Variants in ADGRL3 observed in about 807,000 individuals in gnomAD.
ADGRL3 encodes the protein calcium-independent alpha-latrotoxin receptor 3.
A neutral mutation model predicts 153.5 loss-of-function variants in ADGRL3; 62 were observed. The ratio of observed to expected loss-of-function variants is 0.40; its 90% CI spans 0.33 to 0.50. The LOEUF is 0.50. Ranked by LOEUF, ADGRL3 falls within the 20% of genes least tolerant of loss-of-function variation. The pLI, the probability that ADGRL3 is intolerant of heterozygous loss-of-function variation, is 0.47. For synonymous variants in ADGRL3, 710 were observed against 672.5 expected, an observed-to-expected ratio of 1.06 and a Z score of -0.86; for missense variants, 1,641 against 1,859.4, an observed-to-expected ratio of 0.88 and a Z score of 2.16.
chr4:61,947,161 C>G, intron 16 of ADGRL3, 39 bp downstream of exon 16: 1 of 1,494,112 alleles, frequency 6.7e-7, no homozygotes. Context: ...TTCATATTAT[C>G]TGTATTTTTA....
At chr4:61,878,266 A>C (rs1392012344) in intron 9 of ADGRL3, among the ~76,000 whole-genome samples, 1 of 152,188 alleles carries the variant, frequency 6.6e-6, no homozygotes, top group Non-Finnish European at 1.5e-5. Flanking sequence ...TATGTCTCCA[A>C]CTAAAGTCAC....
At chr4:61,255,915 T>C (rs2091912883) in intron 1 of ADGRL3, among the ~76,000 whole-genome samples, 1 of 152,288 alleles carries the variant, frequency 6.6e-6, no homozygotes, top group South Asian at 2.1e-4. Context: ...TTTGAAGAAT[T>C]TACTGTTCTC....
At chr4:61,611,738 T>C (rs1034320923) in intron 5 of ADGRL3, among the ~76,000 whole-genome samples, 2 of 151,964 alleles carry the variant, frequency 1.3e-5, no homozygotes, top group African/African-American at 2.4e-5. Context: ...CTGGGTAATA[T>C]AGTGAGACCT....
Position 61,514,207 on chromosome 4 carries a change from A to AG in ADGRL3, c.56-3107dup, listed in dbSNP as rs556410347. Reference sequence around the variant, plus strand: ...CCACCTTCCTTGACCTAAGGAAACTAGCTGCTTCAGATGCTATTGTGCCCC... The same window carrying AG: ...CCACCTTCCTTGACCTAAGGAAACTAGGCTGCTTCAGATGCTATTGTGCCCC... On this transcript the variant is annotated intron_variant, in intron 3 of 26. Transcript: ENST00000683033. 1.8e-3 allele frequency among the ~76,000 whole-genome samples: 271 copies of AG among 152,320 alleles called. 1 individual carries two copies. Among genetic ancestry groups the AG allele is most frequent in the African/African-American group, 6.1e-3 (254 of 41,588 alleles).
At chr4:61,840,529 A>C (rs1561337313) in intron 9 of ADGRL3, among the ~76,000 whole-genome samples, 1 of 152,116 alleles carries the variant, frequency 6.6e-6, no homozygotes, top group Non-Finnish European at 1.5e-5. Flanking sequence ...ATCTCCTTTT[A>C]TTACCTTCAA....
intron 21 of ADGRL3, among the ~76,000 whole-genome samples, chr4:62,027,091 A>T (rs1719090960): frequency 6.6e-6 from 1 of 152,068 alleles, no homozygotes; most frequent in Non-Finnish European, 1.5e-5. Context: ...GACATCACAG[A>T]TGGAATATAC....
chr4:61,579,891 A>T (rs1489387279), intron 4 of ADGRL3, among the ~76,000 whole-genome samples: 1 of 152,094 alleles, frequency 6.6e-6, no homozygotes, highest in Non-Finnish European at 1.5e-5. Flanking sequence ...GTTCTTTTAA[A>T]GAAAGTAGAT....
At chr4:61,981,133 T>C (rs2099066807) in intron 18 of ADGRL3, among the ~76,000 whole-genome samples, 1 of 152,256 alleles carries the variant, frequency 6.6e-6, no homozygotes, top group Non-Finnish European at 1.5e-5. Flanking sequence ...GGAAATTATT[T>C]CATAAACTTG....
intron 1 of ADGRL3, among the ~76,000 whole-genome samples, chr4:61,328,205 G>A (rs1437223229): frequency 1.3e-5 from 2 of 152,160 alleles, no homozygotes; most frequent in Non-Finnish European, 2.9e-5. Flanking sequence ...TAAATCTGTG[G>A]AGACCCCAAT....
Position 61,957,685 on chromosome 4 carries a change from AT to A in ADGRL3, c.2805+9420del, listed in dbSNP as rs751521343. On this transcript the variant is annotated intron_variant, in intron 17 of 26. Coordinates refer to ENST00000683033, the MANE Select transcript of ADGRL3 (RefSeq NM_001387552.1). The stretch of plus-strand genomic sequence containing the variant: ...AAGACCTTAGGAAAAAACTAAATTA[AT>A]TTTTTTTTTTGTACAAGGACACTGC... Among the ~76,000 whole-genome samples, 1,120 of 146,940 alleles carry A rather than the reference AT, an allele frequency of 7.6e-3. 11 individuals are homozygous for A. Among genetic ancestry groups the A allele is most frequent in the African/African-American group, 0.021 (859 of 40,344 alleles).
intron 8 of ADGRL3, among the ~76,000 whole-genome samples, chr4:61,762,207 T>C (rs1438241447): frequency 2.0e-5 from 3 of 152,006 alleles, no homozygotes; most frequent in Non-Finnish European, 4.4e-5. Context: ...GTGATTTATG[T>C]AGACAGAAAG....
intron 9 of ADGRL3, among the ~76,000 whole-genome samples, chr4:61,816,946 G>A (rs959564036): frequency 1.3e-5 from 2 of 152,166 alleles, no homozygotes; most frequent in Non-Finnish European, 2.9e-5. Flanking sequence ...CCTGCTCCTG[G>A]TGCCCACTCC....
At chr4:61,713,300 T>A (rs561382994) in intron 6 of ADGRL3, among the ~76,000 whole-genome samples, 1 of 152,162 alleles carries the variant, frequency 6.6e-6, no homozygotes. Flanking sequence ...TCCTGTATGT[T>A]CTTTCTCCAT....
rs527906106 is a variant in ADGRL3, at chr4:61,999,105, A to G, written c.3395+840A>G. On this transcript the variant is annotated intron_variant, in intron 21 of 26. Coordinates refer to ENST00000683033, the MANE Select transcript of ADGRL3 (RefSeq NM_001387552.1). Reference sequence around the variant, plus strand: ...AAAGAAACCTTCCTAATGTAAATAGATACTTTGTAATATAAAAATATGGCT... The same window carrying G: ...AAAGAAACCTTCCTAATGTAAATAGGTACTTTGTAATATAAAAATATGGCT... Among the ~76,000 whole-genome samples, 115 of 152,326 alleles carry G rather than the reference A, an allele frequency of 7.5e-4. 3 individuals carry two copies. The highest frequency in any genetic ancestry group is 3.7e-3 in the South Asian group (18 of 4,828).
chr4:62,005,911 T>C (rs1020561315), intron 21 of ADGRL3, among the ~76,000 whole-genome samples: 3 of 147,012 alleles, frequency 2.0e-5, no homozygotes, highest in African/African-American at 5.0e-5. Context: ...TTTCAGAGTT[T>C]ACAAAATTTG....
intron 1 of ADGRL3, among the ~76,000 whole-genome samples, chr4:61,329,638 T>C (rs946456927): frequency 2.0e-5 from 3 of 152,210 alleles, no homozygotes; most frequent in Non-Finnish European, 4.4e-5. Flanking sequence ...ATATACAGAA[T>C]TGATGTTCAG....
At chr4:61,351,252 T>C (rs1384583412) in intron 1 of ADGRL3, among the ~76,000 whole-genome samples, 2 of 152,146 alleles carry the variant, frequency 1.3e-5, no homozygotes, top group African/African-American at 4.8e-5. Flanking sequence ...GGCTGAGAGA[T>C]GTGAAGCAGC....
intron 2 of ADGRL3, among the ~76,000 whole-genome samples, chr4:61,494,269 T>C (rs1276065530): frequency 2.0e-5 from 3 of 152,212 alleles, no homozygotes; most frequent in Non-Finnish European, 4.4e-5. Context: ...TTACTTTCTA[T>C]TTTTGTGTAT....
At chr4:61,279,237 T>C (rs886848609) in intron 1 of ADGRL3, among the ~76,000 whole-genome samples, 1 of 152,232 alleles carries the variant, frequency 6.6e-6, no homozygotes, top group African/African-American at 2.4e-5. Flanking sequence ...ATACTTAGTT[T>C]ACTTATAAGT....
Sources: allele counts gnomAD v4.1 joint callset (sites outside exome capture counted in the v4.1 genomes callset), GRCh38; gene constraint gnomAD v4.1.1; transcripts MANE v1.5; gene names NCBI Gene and HGNC (gene_info 2026-07-23, HGNC 2026-07-21).